The following DCLK1 variants were observed in gnomAD, a reference collection of about 807,000 sequenced individuals.
DCLK1 encodes the protein doublecortin like kinase 1.
In DCLK1, 16 loss-of-function variants were observed where a neutral mutation model predicts 86.2. The observed-to-expected ratio is 0.19, with a 90% CI of 0.13 to 0.28. The LOEUF (loss-of-function observed/expected upper bound fraction) is 0.28, where lower values mean the gene tolerates loss of function less well. DCLK1 is among the 10% of genes least tolerant of loss of function. The probability of loss-of-function intolerance (pLI) is 1.00; values close to 1 mark genes in which losing one functional copy is unlikely to be tolerated. For synonymous variants in DCLK1, 369 were observed against 370.5 expected (o/e 1.00, Z 0.05); for missense variants, 590 against 940.2 (o/e 0.63, Z 4.87).
intron 3 of DCLK1, among the ~76,000 whole-genome samples, chr13:36,084,303 T>C (rs1884521901): frequency 6.6e-6 from 1 of 152,174 alleles, no homozygotes; most frequent in African/African-American, 2.4e-5. Flanking sequence ...TCATGATTCT[T>C]GGTTTTAGAA....
At chr13:35,828,221 TATCTC>T (rs1363144393) in intron 9 of DCLK1, 24 bp downstream of exon 9, 10 of 1,581,296 alleles carry the variant, frequency 6.3e-6, no homozygotes, top group South Asian at 3.3e-5. Context: ...TGAACACTCT[TATCTC>T]ATAAGAACAA....
In DCLK1 at chr13:35,769,336, C is replaced by T. The variant is rs1039506632; in HGVS notation, c.*5199G>A. 3.7e-4 allele frequency: 57 copies of T among 152,200 alleles called. No individual in the cohort carries two copies. The highest frequency in any genetic ancestry group is 5.3e-4 in the African/African-American group (22 of 41,540). The allele number at this position is 152,200 out of a possible 1,614,324, so 9.4% of individuals were successfully genotyped here. A position where few individuals can be genotyped will look rare whatever the true frequency, so the allele number is the denominator to read the frequency against. ...AACCTTTCAGAAACTTGTTTAAATG[C>T]GCCAAGTCCCTACGCACCTTTTTAG... On this transcript the variant is annotated 3_prime_UTR_variant, in exon 17 of 17. Transcript: ENST00000360631.
chr13:35,891,740 G>A (rs1377193863), intron 4 of DCLK1, among the ~76,000 whole-genome samples: 7 of 152,148 alleles, frequency 4.6e-5, no homozygotes, highest in Non-Finnish European at 8.8e-5. Flanking sequence ...CGTCTGCACC[G>A]GCTAGGAAAC....
At chr13:36,048,557 AC>A (rs1883012533) in intron 3 of DCLK1, among the ~76,000 whole-genome samples, 1 of 152,140 alleles carries the variant, frequency 6.6e-6, no homozygotes, top group African/African-American at 2.4e-5. Flanking sequence ...GTCCCTCTGA[AC>A]CATTTGGCAG....
At chr13:36,131,508 C>A (rs537443959), upstream of DCLK1, among the ~76,000 whole-genome samples, 3 of 152,246 alleles carry the variant, frequency 2.0e-5, no homozygotes, top group Admixed American at 2.0e-4. Context: ...AGGGCGCACC[C>A]ACCACGGCTG....
chr13:35,987,277 T>C (rs1327599496), intron 3 of DCLK1, among the ~76,000 whole-genome samples: 1 of 151,910 alleles, frequency 6.6e-6, no homozygotes, highest in East Asian at 1.9e-4. Context: ...ATACAAAAAT[T>C]TGCCAGGCAT....
rs1748538984 is a variant in DCLK1 at position 35,771,341 on chromosome 13, GT to G, written c.*3193del. The G allele has an allele frequency of 6.6e-6, 1 of 152,060 alleles. No homozygotes were observed. Among genetic ancestry groups the G allele is most frequent in the African/African-American group, 2.4e-5 (1 of 41,408 alleles). The allele number at this position is 152,060 out of a possible 1,614,324, so 9.4% of individuals were successfully genotyped here. ...TCTCATTGAACACAAAACACCAAGT[GT>G]TTTCAGTAGTTTATTCACATTTTTT... On this transcript the variant is annotated 3_prime_UTR_variant, in exon 17 of 17. Coordinates refer to ENST00000360631, the MANE Select transcript of DCLK1 (RefSeq NM_001330071.2).
At chr13:35,961,811 CCTT>C (rs1250989979) in intron 3 of DCLK1, among the ~76,000 whole-genome samples, 4 of 152,156 alleles carry the variant, frequency 2.6e-5, no homozygotes, top group African/African-American at 9.7e-5. Context: ...AAAGTTCTCT[CCTT>C]GTTTCTGATT....
chr13:36,063,322 G>A (rs1883628068), intron 3 of DCLK1, among the ~76,000 whole-genome samples: 1 of 152,110 alleles, frequency 6.6e-6, no homozygotes, highest in African/African-American at 2.4e-5. Flanking sequence ...TACAAGCGAT[G>A]AAGACAACAA....
intron 15 of DCLK1, among the ~76,000 whole-genome samples, chr13:35,795,227 T>C (rs2086784305): frequency 6.6e-6 from 1 of 152,136 alleles, no homozygotes; most frequent in Non-Finnish European, 1.5e-5. Flanking sequence ...GTGGTGATAT[T>C]TGGTGTGCGG....
At chr13:35,883,678 CAAA>C (rs1873055033) in intron 4 of DCLK1, among the ~76,000 whole-genome samples, 1 of 152,104 alleles carries the variant, frequency 6.6e-6, no homozygotes, top group Non-Finnish European at 1.5e-5. Flanking sequence ...GGAAACATTG[CAAA>C]GTGGTTATTC....
At chr13:35,924,736 A>G (rs1449947302) in intron 4 of DCLK1, among the ~76,000 whole-genome samples, 2 of 152,220 alleles carry the variant, frequency 1.3e-5, no homozygotes, top group Admixed American at 1.3e-4. Context: ...TAGGGTCCAT[A>G]CCTCTCATTA....
At chr13:35,782,562 T>C (rs181068107) in intron 16 of DCLK1, among the ~76,000 whole-genome samples, 1 of 152,360 alleles carries the variant, frequency 6.6e-6, no homozygotes, top group African/African-American at 2.4e-5. Context: ...TGGGATGTTA[T>C]TTTAGAGCAT....
chr13:35,810,500 T>C (rs2087120335), intron 12 of DCLK1, among the ~76,000 whole-genome samples: 1 of 152,224 alleles, frequency 6.6e-6, no homozygotes, highest in Non-Finnish European at 1.5e-5. Flanking sequence ...CGGCAGTGTC[T>C]GTTTCTTTTA....
chr13:35,869,161 T>C, intron 5 of DCLK1: 1 of 505,300 alleles, frequency 2.0e-6, no homozygotes, highest in Non-Finnish European at 4.0e-6. Context: ...TCCACAGAGC[T>C]CAATATTAAC....
At chr13:35,841,657 A>G (rs1478598160) in intron 6 of DCLK1, among the ~76,000 whole-genome samples, 1 of 152,202 alleles carries the variant, frequency 6.6e-6, no homozygotes, top group Non-Finnish European at 1.5e-5. Flanking sequence ...GCTGCTTGAG[A>G]GTAACAGATG....
At chr13:35,997,002 C>A (rs1468187300) in intron 3 of DCLK1, among the ~76,000 whole-genome samples, 1 of 152,204 alleles carries the variant, frequency 6.6e-6, no homozygotes, top group South Asian at 2.1e-4. Flanking sequence ...CACTTCCCTA[C>A]ATCTGCATGC....
At chr13:35,899,420 A>G (rs1304576138) in intron 4 of DCLK1, among the ~76,000 whole-genome samples, 2 of 151,910 alleles carry the variant, frequency 1.3e-5, no homozygotes, top group Non-Finnish European at 2.9e-5. Flanking sequence ...CATAAAGTGT[A>G]CATTGTACTA....
intron 3 of DCLK1, among the ~76,000 whole-genome samples, chr13:35,967,796 C>T (rs1878854718): frequency 6.6e-6 from 1 of 151,826 alleles, no homozygotes; most frequent in Admixed American, 6.6e-5. Flanking sequence ...AAATCCCCCT[C>T]TCCGAGAAAC....
Sources: gnomAD v4.1 joint callset for allele counts (sites outside exome capture counted in the v4.1 genomes callset) on GRCh38, gnomAD v4.1.1 for gene constraint, MANE v1.5 for transcripts, NCBI Gene and HGNC (gene_info 2026-07-23, HGNC 2026-07-21) for gene names.